CLMN: variants seen among roughly 807,000 people sequenced by gnomAD.
The protein encoded by CLMN is calmin (calponin-like, transmembrane).
In CLMN, 57 loss-of-function variants were observed where a neutral mutation model predicts 92.7. The observed-to-expected ratio is 0.61, with a 90% CI of 0.50 to 0.77. CLMN has a LOEUF of 0.77. Ranked by LOEUF, CLMN falls within the 30% of genes least tolerant of loss-of-function variation. The pLI is 0.00. For missense variants in CLMN, 1,158 were observed against 1,237.5 expected (o/e 0.94, Z 0.96); for synonymous variants, 466 against 470.6 (o/e 0.99, Z 0.13).
chr14:95,269,347 T>C (rs1899615487), intron 1 of CLMN, among the ~76,000 whole-genome samples: 1 of 152,272 alleles, frequency 6.6e-6, no homozygotes, highest in Non-Finnish European at 1.5e-5. Context: ...TATCTTTATG[T>C]ATTTTCACAT....
At chr14:95,297,494 G>A (rs1900853986) in intron 1 of CLMN, among the ~76,000 whole-genome samples, 1 of 152,118 alleles carries the variant, frequency 6.6e-6, no homozygotes, top group Non-Finnish European at 1.5e-5. Flanking sequence ...AAATTCCTTT[G>A]TGTCCTATTG....
At position 95,287,359 on chromosome 14, in the gene CLMN, T is replaced by C. The variant is rs144429472; in HGVS notation, c.82+32352A>G. Among the ~76,000 whole-genome samples the C allele has an allele frequency of 3.4e-3, 523 of 152,310 alleles. 4 individuals are homozygous for C. Among genetic ancestry groups the C allele is most frequent in the African/African-American group, 0.012 (496 of 41,562 alleles). The stretch of plus-strand genomic sequence containing the variant: ...GCAACATGCAAACTACAGAGCCAAG[T>C]ATGCTGGGCCTGCCTCAACCTGCCC... On this transcript the variant is annotated intron_variant, in intron 1 of 12. Coordinates refer to ENST00000298912, the MANE Select transcript of CLMN (RefSeq NM_024734.4).
chr14:95,291,377 G>A lies in CLMN; in HGVS notation c.82+28334C>T, dbSNP rs943322168. Among the ~76,000 whole-genome samples, 3 of 152,198 alleles carry A rather than the reference G, an allele frequency of 2.0e-5. No homozygotes were observed. The East Asian group carries it at 5.8e-4, about 29-fold the overall frequency. On this transcript the variant is annotated intron_variant, in intron 1 of 12. Coordinates refer to ENST00000298912, the MANE Select transcript of CLMN (RefSeq NM_024734.4). ...CGCATCCCTGCAGCTCCTGCGTCTCGGGGCTGGCTAATACCTGGGACCGCA... is the reference window on the plus strand; with the variant it reads ...CGCATCCCTGCAGCTCCTGCGTCTCAGGGCTGGCTAATACCTGGGACCGCA...
chr14:95,182,903 C>CT lies in CLMN; in HGVS notation c.*8660dup, dbSNP rs139524059. 1.2e-3 allele frequency: 190 copies of CT among 152,316 alleles called. 3 individuals are homozygous for CT. Among genetic ancestry groups the CT allele is most frequent in the African/African-American group, 4.5e-3 (187 of 41,564 alleles). The allele number at this position is 152,316 out of a possible 1,614,324, so 9.4% of individuals were successfully genotyped here. A position where few individuals can be genotyped will look rare whatever the true frequency, so the allele number is the denominator to read the frequency against. On this transcript the variant is annotated 3_prime_UTR_variant, in exon 13 of 13. Coordinates refer to ENST00000298912, the MANE Select transcript of CLMN (RefSeq NM_024734.4). ...TCTACTTCAAACATTCATCTGAAAC[C>CT]TTTAAGATTCAGACTACCTTCTGTC...
rs571130213 is a variant in CLMN at position 95,259,312 on chromosome 14, C to A, written c.83-29179G>T. The stretch of plus-strand genomic sequence containing the variant: ...AACACATATGTTTGGTTGGGAGATG[C>A]GACAGAGCTGACAGCAGGCTGGACC... On this transcript the variant is annotated intron_variant, in intron 1 of 12. Coordinates refer to ENST00000298912, the MANE Select transcript of CLMN (RefSeq NM_024734.4). The surrounding 1 kb of genome is among the most constrained non-coding windows in gnomAD (Gnocchi z 4.3). Among the ~76,000 whole-genome samples, 4 of 151,976 alleles carry A rather than the reference C, an allele frequency of 2.6e-5. No homozygotes were observed. The highest frequency in any genetic ancestry group is 9.7e-5 in the African/African-American group (4 of 41,332).
chr14:95,242,256 T>C (rs1442624286), intron 1 of CLMN, among the ~76,000 whole-genome samples: 9 of 130,706 alleles, frequency 6.9e-5, no homozygotes, highest in South Asian at 5.5e-4. Flanking sequence ...TTTTCTTTTT[T>C]TTTTTTTTTT....
intron 1 of CLMN, among the ~76,000 whole-genome samples, chr14:95,285,110 A>C (rs1302165915): frequency 6.6e-6 from 1 of 152,168 alleles, no homozygotes; most frequent in Non-Finnish European, 1.5e-5. Flanking sequence ...GGTTTATCAA[A>C]GGTTTACACT....
rs1896399290 is a variant in CLMN, at chr14:95,184,627, G to C, written c.*6937C>G. On this transcript the variant is annotated 3_prime_UTR_variant, in exon 13 of 13. Transcript: ENST00000298912. ...CAAAGAAGCCAGTATTCCCAGCATTGTGGGGTCTGGCAACTGCAGAACACT... is the reference window on the plus strand; with the variant it reads ...CAAAGAAGCCAGTATTCCCAGCATTCTGGGGTCTGGCAACTGCAGAACACT... 1 of 152,232 alleles carries C rather than the reference G, an allele frequency of 6.6e-6. No individual in the cohort carries two copies. The highest frequency in any genetic ancestry group is 2.1e-4 in the South Asian group (1 of 4,838). The allele number at this position is 152,232 out of a possible 1,614,324, so 9.4% of individuals were successfully genotyped here.
chr14:95,227,054 T>C (rs1897734138), intron 2 of CLMN, among the ~76,000 whole-genome samples: 1 of 151,936 alleles, frequency 6.6e-6, no homozygotes, highest in Admixed American at 6.6e-5. Flanking sequence ...GAGCTCCTGA[T>C]GGGAGACAGG....
intron 1 of CLMN, among the ~76,000 whole-genome samples, chr14:95,244,060 G>A (rs1898364868): frequency 6.6e-6 from 1 of 152,138 alleles, no homozygotes; most frequent in Non-Finnish European, 1.5e-5. Context: ...CCATGTAAGA[G>A]GTACTTGCTT....
Position 95,221,695 on chromosome 14 carries a change from C to T in CLMN, c.320G>A (p.Ser107Asn), listed in dbSNP as rs2140617718. ...IAKALKFLED[S>N]NVKLVSIDAA... ...GGATGAGCTTCAAACACTTACATTG[C>T]TATCTTCCAAAAACTTAAGTGCTTT... The change falls in exon 4 of 13, where the codon AGC (serine) becomes AAC (asparagine). Residue 107 changes from serine (S) to asparagine (N), a missense_variant. Coordinates refer to ENST00000298912, the MANE Select transcript of CLMN (RefSeq NM_024734.4). The T allele has an allele frequency of 1.2e-6, 2 of 1,613,364 alleles. No individual in the cohort carries two copies. Among genetic ancestry groups the T allele is most frequent in the South Asian group, 1.1e-5 (1 of 90,958 alleles).
intron 1 of CLMN, among the ~76,000 whole-genome samples, chr14:95,242,605 G>A (rs761241966): frequency 4.3e-4 from 55 of 127,000 alleles, no homozygotes; most frequent in Non-Finnish European, 8.4e-4. Flanking sequence ...TCGCTCTGTC[G>A]CCAGGCTGGA....
intron 1 of CLMN, among the ~76,000 whole-genome samples, chr14:95,244,181 C>A (rs1429716029): frequency 6.6e-6 from 1 of 152,100 alleles, no homozygotes; most frequent in Non-Finnish European, 1.5e-5. Flanking sequence ...TATAAATTAC[C>A]CAATCTCAGG....
chr14:95,233,606 G>A (rs1020944277), intron 1 of CLMN, among the ~76,000 whole-genome samples: 2 of 152,222 alleles, frequency 1.3e-5, no homozygotes, highest in African/African-American at 4.8e-5. Context: ...AGCCAAATAA[G>A]TAAAAGAGAG....
chr14:95,215,105 A>G (rs1897299678), intron 5 of CLMN, among the ~76,000 whole-genome samples: 5 of 152,228 alleles, frequency 3.3e-5, no homozygotes, highest in African/African-American at 1.2e-4. Context: ...AAAGTATAAC[A>G]ATAAAAAATA....
intron 1 of CLMN, among the ~76,000 whole-genome samples, chr14:95,309,459 G>C (rs17191121): frequency 3.3e-5 from 5 of 152,230 alleles, no homozygotes; most frequent in African/African-American, 1.2e-4. Context: ...ACACAACAGC[G>C]TATGCAACTA....
At chr14:95,317,837 C>A (rs1261266174) in intron 1 of CLMN, among the ~76,000 whole-genome samples, 2 of 152,062 alleles carry the variant, frequency 1.3e-5, no homozygotes, top group Non-Finnish European at 2.9e-5. Flanking sequence ...TTAATAAGTG[C>A]ACATTTAAAC....
At position 95,203,657 on chromosome 14, in the gene CLMN, T is replaced by G. The variant is rs956617139; in HGVS notation, c.1692A>C (p.Ser564=). 2 of 1,614,086 alleles carry G rather than the reference T, an allele frequency of 1.2e-6. No individual in the cohort carries two copies. The change falls in exon 9 of 13, where the codon TCA becomes TCC. Residue 564 remains serine (S), a synonymous_variant. Coordinates refer to ENST00000298912, the MANE Select transcript of CLMN (RefSeq NM_024734.4). ...DYFEAIPLKA[S]KFNSDLIDFA... ...AATCTATTAGGTCGCTGTTAAATTT[T>G]GAGGCTTTTAATGGGATGGCTTCAA...
chr14:95,316,060 C>T (rs767364516), intron 1 of CLMN, among the ~76,000 whole-genome samples: 2 of 152,182 alleles, frequency 1.3e-5, no homozygotes, highest in Non-Finnish European at 2.9e-5. Flanking sequence ...GACCCTGAGG[C>T]TCAGACAAAG....
Sources: allele counts gnomAD v4.1 joint callset (sites outside exome capture counted in the v4.1 genomes callset), GRCh38; gene constraint gnomAD v4.1.1; non-coding constraint Gnocchi (gnomAD v3.1); transcripts MANE v1.5; gene names NCBI Gene and HGNC (gene_info 2026-07-23, HGNC 2026-07-21).